Variants in ADAMTS16 observed in about 807,000 individuals in gnomAD.
The protein encoded by ADAMTS16 is ADAM metallopeptidase with thrombospondin type 1 motif 16.
A neutral mutation model predicts 145.8 loss-of-function variants in ADAMTS16; 94 were observed. The observed-to-expected ratio is 0.64, with a 90% CI of 0.55 to 0.77. The LOEUF is 0.77. Among genes scored for constraint, ADAMTS16 ranks in the 30% least tolerant of loss-of-function variants. ADAMTS16 has a pLI of 0.00. For synonymous variants in ADAMTS16, 659 were observed against 604.3 expected (o/e 1.09, Z -1.33); for missense variants, 1,585 against 1,591.5 (o/e 1.00, Z 0.07).
Position 5,239,938 on chromosome 5 carries a change from C to G in ADAMTS16, c.2523+13C>G. On this transcript the variant is annotated intron_variant, in intron 16 of 22. Transcript: ENST00000274181. ...ACTGATTGTGGAGGTAAAGTCCAGC[C>G]TCTTGATTTTGGGGCTTGGATTTTG... 1 of 1,611,932 alleles carries G rather than the reference C, an allele frequency of 6.2e-7. No individual in the cohort carries two copies. Among genetic ancestry groups the G allele is most frequent in the Non-Finnish European group, 8.5e-7 (1 of 1,178,710 alleles).
intron 8 of ADAMTS16, among the ~76,000 whole-genome samples, chr5:5,198,940 T>G (rs1310202484): frequency 6.6e-6 from 1 of 152,188 alleles, no homozygotes; most frequent in African/African-American, 2.4e-5. Context: ...GCCTTCCCCC[T>G]TTTCTCTGCA....
rs1734148003 is a variant in ADAMTS16 at position 5,140,898 on chromosome 5, T to A, written c.175+132T>A. The A allele has an allele frequency of 2.9e-5, 6 of 205,744 alleles. No individual in the cohort carries two copies. In the South Asian group the frequency reaches 4.1e-4, roughly 14 times the overall value. The allele number at this position is 205,744 out of a possible 1,614,324, so 12.7% of individuals were successfully genotyped here. A position where few individuals can be genotyped will look rare whatever the true frequency, so the allele number is the denominator to read the frequency against. ...TACTTTTAAGATGCTGTTGTGAACT[T>A]TTTTTTTTTTTAACTGTATGAGCGA... On this transcript the variant is annotated intron_variant, in intron 2 of 22. Coordinates refer to ENST00000274181, the MANE Select transcript of ADAMTS16 (RefSeq NM_139056.4).
intron 3 of ADAMTS16, among the ~76,000 whole-genome samples, chr5:5,180,593 G>C (rs573996592): frequency 1.1e-3 from 163 of 152,244 alleles, no homozygotes; most frequent in Non-Finnish European, 1.8e-3. Context: ...TTTCTCTTCA[G>C]TCATCCAAGA....
At chr5:5,144,941 C>T (rs547694669) in intron 2 of ADAMTS16, among the ~76,000 whole-genome samples, 1 of 152,096 alleles carries the variant, frequency 6.6e-6, no homozygotes, top group Admixed American at 6.6e-5. Context: ...GGGTGGAGCC[C>T]GTGGGAGATG....
intron 20 of ADAMTS16, among the ~76,000 whole-genome samples, chr5:5,303,984 C>T (rs116098534): frequency 0.019 from 2,843 of 152,278 alleles, 35 homozygotes; most frequent in Non-Finnish European, 0.028. Flanking sequence ...GTGGCGTCCA[C>T]GTCATCATCA....
chr5:5,196,094 C>T (rs1019477593), intron 8 of ADAMTS16, among the ~76,000 whole-genome samples: 1 of 151,930 alleles, frequency 6.6e-6, no homozygotes, highest in Non-Finnish European at 1.5e-5. Flanking sequence ...AGTGTGGTGG[C>T]AGGTTCCTGT....
At chr5:5,143,256 T>C (rs1374826473) in intron 2 of ADAMTS16, among the ~76,000 whole-genome samples, 2 of 152,046 alleles carry the variant, frequency 1.3e-5, no homozygotes, top group Non-Finnish European at 2.9e-5. Context: ...ATCCAGAATC[T>C]ACAAGAAACT....
At chr5:5,258,397 T>C (rs1318419776) in intron 17 of ADAMTS16, among the ~76,000 whole-genome samples, 1 of 152,192 alleles carries the variant, frequency 6.6e-6, no homozygotes, top group Admixed American at 6.5e-5. Flanking sequence ...GCATCAGCAG[T>C]AGCAACTGAG....
chr5:5,248,317 C>T (rs367790373), intron 17 of ADAMTS16, among the ~76,000 whole-genome samples: 14 of 152,260 alleles, frequency 9.2e-5, no homozygotes, highest in African/African-American at 2.4e-4. Flanking sequence ...GATTTTTAAG[C>T]GGTTTCCAAA....
intron 18 of ADAMTS16, among the ~76,000 whole-genome samples, chr5:5,299,910 C>T (rs1739702415): frequency 6.6e-6 from 1 of 152,202 alleles, no homozygotes; most frequent in Admixed American, 6.5e-5. Context: ...GACATTAGCA[C>T]AGAAGCTTGC....
At chr5:5,279,344 C>T (rs1293057416) in intron 18 of ADAMTS16, among the ~76,000 whole-genome samples, 3 of 152,218 alleles carry the variant, frequency 2.0e-5, no homozygotes, top group South Asian at 2.1e-4. Flanking sequence ...ATGTCCTTGA[C>T]TCCCATCCAC....
intron 18 of ADAMTS16, among the ~76,000 whole-genome samples, chr5:5,285,325 C>A (rs1739064982): frequency 6.6e-6 from 1 of 152,192 alleles, no homozygotes; most frequent in South Asian, 2.1e-4. Flanking sequence ...TGAAAGGTTT[C>A]TTCAGCACTG....
intron 11 of ADAMTS16, chr5:5,223,207 A>G (rs1446143874): frequency 3.2e-6 from 1 of 313,122 alleles, no homozygotes; most frequent in East Asian, 6.3e-5. Flanking sequence ...CCAGCATTAA[A>G]CAGTGCTGTG....
intron 18 of ADAMTS16, among the ~76,000 whole-genome samples, chr5:5,299,907 G>A (rs1739702321): frequency 6.6e-6 from 1 of 152,204 alleles, no homozygotes; most frequent in African/African-American, 2.4e-5. Context: ...TCAGACATTA[G>A]CACAGAAGCT....
intron 18 of ADAMTS16, among the ~76,000 whole-genome samples, chr5:5,296,949 C>A (rs939820804): frequency 6.6e-6 from 1 of 152,146 alleles, no homozygotes; most frequent in South Asian, 2.1e-4. Flanking sequence ...GGCACAGAAG[C>A]GGCAAGGGAG....
At chr5:5,290,480 C>G (rs1457046855) in intron 18 of ADAMTS16, among the ~76,000 whole-genome samples, 1 of 152,094 alleles carries the variant, frequency 6.6e-6, no homozygotes, top group African/African-American at 2.4e-5. Flanking sequence ...CATGGTAAAA[C>G]CCTGTCTCTA....
chr5:5,160,874 G>A (rs1734723573), intron 3 of ADAMTS16, among the ~76,000 whole-genome samples: 1 of 152,070 alleles, frequency 6.6e-6, no homozygotes, highest in Admixed American at 6.5e-5. Flanking sequence ...AGTGCCCTGG[G>A]AGCCCTGTGC....
At chr5:5,219,350 T>A (rs918979097) in intron 10 of ADAMTS16, among the ~76,000 whole-genome samples, 6 of 152,186 alleles carry the variant, frequency 3.9e-5, no homozygotes, top group Non-Finnish European at 8.8e-5. Context: ...TAACTGTATT[T>A]TTGAACCCAT....
At chr5:5,318,917 G>C in intron 22 of ADAMTS16, 106 bp from the exon 23 acceptor site, 1 of 799,798 alleles carries the variant, frequency 1.3e-6, no homozygotes, top group South Asian at 1.6e-5. Flanking sequence ...TGCAGCAGCC[G>C]CAGAGCGTGA....
Sources: gnomAD v4.1 joint callset for allele counts (sites outside exome capture counted in the v4.1 genomes callset) on GRCh38, gnomAD v4.1.1 for gene constraint, MANE v1.5 for transcripts, NCBI Gene and HGNC (gene_info 2026-07-23, HGNC 2026-07-21) for gene names.